The following DNAH11 variants were observed in gnomAD, a reference collection of about 807,000 sequenced individuals.
DNAH11 encodes the protein axonemal beta dynein heavy chain 11.
A neutral mutation model predicts 526.0 loss-of-function variants in DNAH11; 442 were observed. The ratio of observed to expected loss-of-function variants is 0.84; its 90% CI spans 0.78 to 0.91. The LOEUF (loss-of-function observed/expected upper bound fraction) is 0.91. DNAH11 is among the 40% of genes least tolerant of loss of function. The pLI, the probability that DNAH11 is intolerant of heterozygous loss-of-function variation, is 0.00. For synonymous variants in DNAH11, 2,461 were observed against 1,935.9 expected (o/e 1.27, Z -7.12); for missense variants, 6,989 against 5,448.7 (o/e 1.28, Z -8.90).
intron 29 of DNAH11, among the ~76,000 whole-genome samples, chr7:21,657,508 T>C (rs1782066977): frequency 6.6e-6 from 1 of 152,174 alleles, no homozygotes; most frequent in African/African-American, 2.4e-5. Flanking sequence ...AGCTGACATA[T>C]TGACATGTAT....
intron 73 of DNAH11, among the ~76,000 whole-genome samples, chr7:21,869,311 C>G (rs919782447): frequency 6.6e-6 from 1 of 152,166 alleles, no homozygotes; most frequent in African/African-American, 2.4e-5. Flanking sequence ...GTTTAGATTG[C>G]TAACAGTGTT....
chr7:21,658,517 G>C (rs578146814), intron 29 of DNAH11, among the ~76,000 whole-genome samples: 19 of 152,212 alleles, frequency 1.2e-4, no homozygotes, highest in African/African-American at 3.9e-4. Flanking sequence ...GAATAGTGAA[G>C]AACCCCTTTT....
chr7:21,702,090 G>C (rs775484017), intron 36 of DNAH11, among the ~76,000 whole-genome samples: 1 of 152,184 alleles, frequency 6.6e-6, no homozygotes, highest in Non-Finnish European at 1.5e-5. Flanking sequence ...AGGGAGCATG[G>C]AGTTGCAATT....
intron 25 of DNAH11, among the ~76,000 whole-genome samples, chr7:21,630,522 C>G (rs536546425): frequency 6.6e-6 from 1 of 152,252 alleles, no homozygotes; most frequent in South Asian, 2.1e-4. Flanking sequence ...ATTAGCTCAG[C>G]TTTTGTTTGT....
chr7:21,847,692 G>A (rs188274832), intron 66 of DNAH11, among the ~76,000 whole-genome samples: 10 of 152,306 alleles, frequency 6.6e-5, no homozygotes, highest in African/African-American at 2.4e-4. Context: ...GTTGATTGAT[G>A]ATGATGCACA....
At chr7:21,606,954 G>A (rs1483195667) in intron 20 of DNAH11, among the ~76,000 whole-genome samples, 1 of 152,020 alleles carries the variant, frequency 6.6e-6, no homozygotes, top group Non-Finnish European at 1.5e-5. Context: ...TTCTCTAGAG[G>A]GACAGGACTA....
chr7:21,587,219 ATAAC>A (rs1447602711), intron 9 of DNAH11, among the ~76,000 whole-genome samples: 2 of 152,214 alleles, frequency 1.3e-5, no homozygotes, highest in Non-Finnish European at 2.9e-5. Context: ...GACTCACTGG[ATAAC>A]TAAGCTTTGT....
intron 65 of DNAH11, among the ~76,000 whole-genome samples, chr7:21,839,851 G>A (rs1484457019): frequency 6.6e-6 from 1 of 152,130 alleles, no homozygotes; most frequent in Non-Finnish European, 1.5e-5. Context: ...TCACTCTGCA[G>A]GGAAAACAAC....
In DNAH11 at chr7:21,810,789, A is replaced by C. The variant is rs140733537; in HGVS notation, c.10332+2740A>C. 2.6e-5 allele frequency among the ~76,000 whole-genome samples: 4 copies of C among 152,254 alleles called. No individual in the cohort carries two copies. The East Asian group carries it at 5.8e-4, about 22-fold the overall frequency. Reference sequence around the variant, plus strand: ...AGGTGAGGAAAGTCAAGCAGTGACTAGCAGAAGAGTTAAGAAATGGAAGGA... The same window carrying C: ...AGGTGAGGAAAGTCAAGCAGTGACTCGCAGAAGAGTTAAGAAATGGAAGGA... On this transcript the variant is annotated intron_variant, in intron 63 of 81. Transcript: ENST00000409508.
Position 21,901,217 on chromosome 7 carries a change from G to GGGTTCTGGC in DNAH11, c.13515_13523dup (p.Val4506_Ala4508dup), listed in dbSNP as rs1417710569. On this transcript the variant is annotated inframe_insertion, in exon 82 of 82. Transcript: ENST00000409508. ...AAGAGCGAAGAGAAGACTGCAAAAT[G>GGGTTCTGGC]GGTTCTGGCTGGAGTGGCTCTGCTT... The GGGTTCTGGC allele has an allele frequency of 5.0e-6, 8 of 1,613,638 alleles. No individual in the cohort carries two copies. Among genetic ancestry groups the GGGTTCTGGC allele is most frequent in the Non-Finnish European group, 6.8e-6 (8 of 1,179,726 alleles).
At chr7:21,826,431 T>G (rs1790302882) in intron 65 of DNAH11, among the ~76,000 whole-genome samples, 1 of 152,160 alleles carries the variant, frequency 6.6e-6, no homozygotes, top group South Asian at 2.1e-4. Context: ...AAAAGAAAAT[T>G]AAGGGGAAAA....
intron 31 of DNAH11, among the ~76,000 whole-genome samples, chr7:21,682,199 C>A (rs1486094574): frequency 2.6e-5 from 4 of 152,138 alleles, no homozygotes; most frequent in East Asian, 1.9e-4. Flanking sequence ...TTTTCTAATT[C>A]TTTTAGTATA....
chr7:21,708,048 C>G lies in DNAH11; in HGVS notation c.6683+213C>G, dbSNP rs17145082. Among the ~76,000 whole-genome samples, 13,211 of 152,186 alleles carry G rather than the reference C, an allele frequency of 0.087. 722 individuals carry two copies. Among genetic ancestry groups the G allele is most frequent in the East Asian group, 0.2 (1,038 of 5,180 alleles). On this transcript the variant is annotated intron_variant, in intron 40 of 81. Coordinates refer to ENST00000409508, the MANE Select transcript of DNAH11 (RefSeq NM_001277115.2). ...GCATTCAGCAGATTTGTACTCAGAG[C>G]TGTTGTATTTTATCCCACGTCAATT...
In DNAH11 at chr7:21,809,226, C is replaced by G. The variant is rs181772392; in HGVS notation, c.10332+1177C>G. ...TCAAGAACTTTGTCCATTTTACGAT[C>G]AAGTTTTTTGCTTTATTTGCTATTG... On this transcript the variant is annotated intron_variant, in intron 63 of 81. Coordinates refer to ENST00000409508, the MANE Select transcript of DNAH11 (RefSeq NM_001277115.2). 2.6e-5 allele frequency among the ~76,000 whole-genome samples: 4 copies of G among 152,226 alleles called. No individual in the cohort carries two copies. In the East Asian group the frequency reaches 5.8e-4, roughly 22 times the overall value.
chr7:21,887,871 T>G (rs1231095174), intron 76 of DNAH11, among the ~76,000 whole-genome samples: 1 of 151,862 alleles, frequency 6.6e-6, no homozygotes, highest in Non-Finnish European at 1.5e-5. Context: ...CTTAGAGAGG[T>G]CAAGCAGCTG....
chr7:21,706,452 T>C (rs146729628), intron 39 of DNAH11, among the ~76,000 whole-genome samples: 1 of 152,114 alleles, frequency 6.6e-6, no homozygotes, highest in African/African-American at 2.4e-5. Context: ...GGAACAACTG[T>C]AAGAAAAAAA....
At chr7:21,568,316 C>T (rs1335289880) in intron 6 of DNAH11, among the ~76,000 whole-genome samples, 5 of 152,036 alleles carry the variant, frequency 3.3e-5, no homozygotes, top group East Asian at 3.9e-4. Flanking sequence ...TGTGGTTAGG[C>T]GTGCTCCAGA....
At chr7:21,741,117 A>C (rs4722050) in intron 48 of DNAH11, among the ~76,000 whole-genome samples, 7,048 of 152,190 alleles carry the variant, frequency 0.046, 226 homozygotes, top group East Asian at 0.19. Context: ...CTGGATATTA[A>C]TCCCTTAGGC....
chr7:21,561,505 A>G (rs958936610), intron 5 of DNAH11: 21 of 193,602 alleles, frequency 1.1e-4, no homozygotes, highest in Non-Finnish European at 1.0e-5. Context: ...GGCTATGGTG[A>G]GTCTAGTTAT....
Sources: gnomAD v4.1 joint callset for allele counts (sites outside exome capture counted in the v4.1 genomes callset) on GRCh38, gnomAD v4.1.1 for gene constraint, MANE v1.5 for transcripts, NCBI Gene and HGNC (gene_info 2026-07-23, HGNC 2026-07-21) for gene names.